ZFPM2: variants seen among roughly 807,000 people sequenced by gnomAD.
ZFPM2 encodes zinc finger protein, FOG family member 2.
ZFPM2 carries 20 observed loss-of-function variants against 98.6 expected under a neutral mutation model. That is an observed-to-expected ratio of 0.20 (90% CI 0.14 to 0.29). The LOEUF is 0.29. Among genes scored for constraint, ZFPM2 ranks in the 10% least tolerant of loss-of-function variants. ZFPM2 has a pLI of 1.00. For missense variants in ZFPM2, 1,310 were observed against 1,388.6 expected (o/e 0.94, Z 0.90); for synonymous variants, 518 against 502.7 (o/e 1.03, Z -0.41).
intron 4 of ZFPM2, 79 bp downstream of exon 4, chr8:105,561,560 T>G (rs1157684322): frequency 8.8e-7 from 1 of 1,141,458 alleles, no homozygotes; most frequent in Non-Finnish European, 1.2e-6. Flanking sequence ...TTCTCTCTGC[T>G]TGCTTTCCAA....
intron 5 of ZFPM2, among the ~76,000 whole-genome samples, chr8:105,670,482 C>T (rs1201676471): frequency 8.6e-6 from 1 of 115,844 alleles, no homozygotes; most frequent in Non-Finnish European, 1.6e-5. Flanking sequence ...GGCGACAGAG[C>T]GAGAGTCCAT....
chr8:105,801,827 C>T lies in ZFPM2; in HGVS notation c.1745C>T (p.Pro582Leu). The T allele has an allele frequency of 6.2e-7, 1 of 1,613,968 alleles. No individual in the cohort carries two copies. The highest frequency in any genetic ancestry group is 8.5e-7 in the Non-Finnish European group (1 of 1,179,876). Reference sequence around the variant, plus strand: ...CGATGGCAGCAGATGGCTAAGTCCCCAGAGTTCCCTAGTGTGTCAGAAAAG... The same window carrying T: ...CGATGGCAGCAGATGGCTAAGTCCCTAGAGTTCCCTAGTGTGTCAGAAAAG... ...SSRWQQMAKS[P>L]EFPSVSEKMP... Residue 582 changes from proline to leucine, a missense_variant, in exon 8 of 8, where the codon CCA becomes CTA. Coordinates refer to ENST00000407775, the MANE Select transcript of ZFPM2 (RefSeq NM_012082.4).
intron 3 of ZFPM2, among the ~76,000 whole-genome samples, chr8:105,485,299 G>GTT (rs1461855230): frequency 2.7e-5 from 4 of 146,582 alleles, no homozygotes; most frequent in Non-Finnish European, 5.9e-5. Flanking sequence ...GTTTTTTTTT[G>GTT]TTTGTTTGTT....
chr8:105,512,255 A>T (rs1813832741), intron 3 of ZFPM2, among the ~76,000 whole-genome samples: 1 of 152,244 alleles, frequency 6.6e-6, no homozygotes, highest in Non-Finnish European at 1.5e-5. Context: ...TATATTGCTT[A>T]CATGTGAAGA....
intron 1 of ZFPM2, among the ~76,000 whole-genome samples, chr8:105,360,274 A>G (rs2129756209): frequency 6.6e-6 from 1 of 152,298 alleles, no homozygotes; most frequent in Admixed American, 6.5e-5. Flanking sequence ...GGACTTTAAA[A>G]AGTATTCAGA....
intron 3 of ZFPM2, among the ~76,000 whole-genome samples, chr8:105,495,750 A>G (rs965903051): frequency 6.6e-6 from 1 of 152,184 alleles, no homozygotes; most frequent in Non-Finnish European, 1.5e-5. Context: ...AGAAATGGAT[A>G]TTGACTGTTT....
At chr8:105,717,264 C>T (rs904362180) in intron 5 of ZFPM2, among the ~76,000 whole-genome samples, 8 of 151,906 alleles carry the variant, frequency 5.3e-5, no homozygotes, top group South Asian at 2.1e-4. Flanking sequence ...TCTTTCTTTT[C>T]GCCTGTTTAT....
At chr8:105,461,291 C>T (rs1812700131) in intron 3 of ZFPM2, among the ~76,000 whole-genome samples, 1 of 151,940 alleles carries the variant, frequency 6.6e-6, no homozygotes, top group Non-Finnish European at 1.5e-5. Context: ...CTTGAAATGC[C>T]AGATATTCAA....
chr8:105,393,970 T>C (rs1217894016), intron 1 of ZFPM2, among the ~76,000 whole-genome samples: 1 of 151,280 alleles, frequency 6.6e-6, no homozygotes, highest in Non-Finnish European at 1.5e-5. Context: ...CTTGGCTCAC[T>C]GCAAGCTCCG....
At chr8:105,775,134 G>A (rs1449199680) in intron 5 of ZFPM2, among the ~76,000 whole-genome samples, 1 of 150,164 alleles carries the variant, frequency 6.7e-6, no homozygotes, top group Non-Finnish European at 1.5e-5. Flanking sequence ...AGCTGACAAA[G>A]GAATAGAGAG....
intron 4 of ZFPM2, among the ~76,000 whole-genome samples, chr8:105,566,066 T>G (rs1391601183): frequency 1.3e-5 from 2 of 152,128 alleles, no homozygotes; most frequent in Admixed American, 6.6e-5. Context: ...GTCTTTTTGG[T>G]CTATTCGGGC....
chr8:105,508,810 T>TC (rs397802536), intron 3 of ZFPM2, among the ~76,000 whole-genome samples: 10 of 150,546 alleles, frequency 6.6e-5, no homozygotes, highest in African/African-American at 1.7e-4. Flanking sequence ...TTTTTTTTTT[T>TC]CCCCCTCGCA....
intron 4 of ZFPM2, among the ~76,000 whole-genome samples, chr8:105,614,182 T>C (rs1342640501): frequency 2.0e-5 from 3 of 152,200 alleles, no homozygotes; most frequent in African/African-American, 7.2e-5. Flanking sequence ...CATTATTTTA[T>C]TAGACAATAA....
At chr8:105,788,249 G>C (rs1246743144) in intron 5 of ZFPM2, among the ~76,000 whole-genome samples, 6 of 152,120 alleles carry the variant, frequency 3.9e-5, no homozygotes, top group African/African-American at 1.4e-4. Context: ...CATTGGTATT[G>C]ATAGGATGGA....
chr8:105,480,686 T>C (rs1384759040), intron 3 of ZFPM2, among the ~76,000 whole-genome samples: 3 of 152,006 alleles, frequency 2.0e-5, no homozygotes, highest in South Asian at 2.1e-4. Flanking sequence ...AGAAGAAATA[T>C]TTTAAGTTAT....
At chr8:105,512,859 G>A (rs1242899575) in intron 3 of ZFPM2, among the ~76,000 whole-genome samples, 1 of 152,038 alleles carries the variant, frequency 6.6e-6, no homozygotes, top group Admixed American at 6.6e-5. Flanking sequence ...TACATATCAT[G>A]TGCCAGAAAT....
intron 3 of ZFPM2, among the ~76,000 whole-genome samples, chr8:105,451,270 C>G (rs1812479220): frequency 6.6e-6 from 1 of 152,054 alleles, no homozygotes; most frequent in Non-Finnish European, 1.5e-5. Context: ...AGACACAGTA[C>G]TGGAAAATGG....
At chr8:105,456,220 G>A (rs2130278953) in intron 3 of ZFPM2, among the ~76,000 whole-genome samples, 1 of 146,204 alleles carries the variant, frequency 6.8e-6, no homozygotes, top group Non-Finnish European at 1.5e-5. Flanking sequence ...GTGCTGAGAT[G>A]CCAAGATGGA....
At chr8:105,754,134 A>T (rs1207378619) in intron 5 of ZFPM2, among the ~76,000 whole-genome samples, 2 of 152,046 alleles carry the variant, frequency 1.3e-5, no homozygotes, top group Non-Finnish European at 2.9e-5. Flanking sequence ...TTTCCTAGTG[A>T]GATGGGTGGG....
Sources: allele counts gnomAD v4.1 joint callset (sites outside exome capture counted in the v4.1 genomes callset), GRCh38; gene constraint gnomAD v4.1.1; transcripts MANE v1.5; gene names NCBI Gene and HGNC (gene_info 2026-07-23, HGNC 2026-07-21).